DEUP1: variants seen among roughly 807,000 people sequenced by gnomAD.
DEUP1 encodes the protein coiled-coil domain containing 67.
In DEUP1, 82 loss-of-function variants were observed where a neutral mutation model predicts 87.4. The ratio of observed to expected loss-of-function variants is 0.94; its 90% CI spans 0.78 to 1.13. DEUP1 has a LOEUF of 1.13. DEUP1 is among the 50% of genes most tolerant of loss of function. DEUP1 has a pLI of 0.00. For missense variants in DEUP1, 663 were observed against 681.5 expected (o/e 0.97, Z 0.30); for synonymous variants, 214 against 222.7 (o/e 0.96, Z 0.35).
intron 13 of DEUP1, among the ~76,000 whole-genome samples, chr11:93,418,681 G>T (rs969542568): frequency 1.3e-5 from 2 of 151,946 alleles, no homozygotes; most frequent in African/African-American, 4.8e-5. Context: ...CCCATTCCTG[G>T]GTATATACCC....
At chr11:93,409,225 T>A (rs777059899) in intron 12 of DEUP1, among the ~76,000 whole-genome samples, 6 of 152,192 alleles carry the variant, frequency 3.9e-5, no homozygotes, top group Non-Finnish European at 8.8e-5. Flanking sequence ...AGAGAAGGAA[T>A]CTATGGATGT....
chr11:93,394,452 G>A lies in DEUP1; in HGVS notation c.1042-7G>A. 1 of 1,543,504 alleles carries A rather than the reference G, an allele frequency of 6.5e-7. No homozygotes were observed. Among genetic ancestry groups the A allele is most frequent in the Non-Finnish European group, 8.7e-7 (1 of 1,149,870 alleles). On this transcript the variant is annotated splice_polypyrimidine_tract_variant and splice_region_variant and intron_variant, in intron 9 of 13. Coordinates refer to ENST00000298050, the MANE Select transcript of DEUP1 (RefSeq NM_181645.4). ...TCAATAATATTTCCAGTCTCTATCTGCTGCAGATAAGAAGCCAACTCCAAC... is the reference window on the plus strand; with the variant it reads ...TCAATAATATTTCCAGTCTCTATCTACTGCAGATAAGAAGCCAACTCCAAC...
intron 2 of DEUP1, among the ~76,000 whole-genome samples, chr11:93,338,646 C>G (rs1943903034): frequency 6.6e-6 from 1 of 151,988 alleles, no homozygotes. Context: ...CTCAAGCAAT[C>G]CTCCCACTTT....
intron 12 of DEUP1, among the ~76,000 whole-genome samples, chr11:93,414,189 T>C (rs997875880): frequency 3.3e-5 from 5 of 152,164 alleles, no homozygotes; most frequent in African/African-American, 1.2e-4. Context: ...TGTTTTAAAT[T>C]ATCAAAATCT....
At chr11:93,392,948 CCCTCCTCTTCCT>C (rs1290383120) in intron 9 of DEUP1, among the ~76,000 whole-genome samples, 42 of 147,006 alleles carry the variant, frequency 2.9e-4, no homozygotes, top group African/African-American at 8.9e-4. Flanking sequence ...TCCTCCTCCT[CCCTCCTCTTCCT>C]CCTCCTCTTC....
intron 9 of DEUP1, among the ~76,000 whole-genome samples, chr11:93,390,893 C>G (rs529921276): frequency 6.6e-6 from 1 of 152,058 alleles, no homozygotes; most frequent in Admixed American, 6.6e-5. Flanking sequence ...ACCAGCCTGA[C>G]CAACATGGTG....
chr11:93,373,428 G>A (rs1236646681), intron 7 of DEUP1, among the ~76,000 whole-genome samples: 1 of 151,770 alleles, frequency 6.6e-6, no homozygotes, highest in Non-Finnish European at 1.5e-5. Context: ...CTACTTATGA[G>A]TGAGAACGTA....
chr11:93,431,588 T>A (rs1012091483), intron 13 of DEUP1, among the ~76,000 whole-genome samples: 6 of 152,196 alleles, frequency 3.9e-5, no homozygotes, highest in African/African-American at 1.2e-4. Context: ...AACAGATATG[T>A]TTAAAATTTT....
At chr11:93,416,067 C>T (rs80282218) in intron 13 of DEUP1, among the ~76,000 whole-genome samples, 1,613 of 152,164 alleles carry the variant, frequency 0.011, 20 homozygotes, top group South Asian at 0.084. Flanking sequence ...TAGTAGGTAC[C>T]GCCAAACTAT....
intron 2 of DEUP1, chr11:93,352,658 C>A: frequency 1.8e-6 from 1 of 543,664 alleles, no homozygotes; most frequent in South Asian, 2.3e-5. Flanking sequence ...ACTTACAGTT[C>A]TACATAGCTG....
chr11:93,407,710 C>G (rs1947318911), intron 11 of DEUP1, among the ~76,000 whole-genome samples: 5 of 151,770 alleles, frequency 3.3e-5, no homozygotes, highest in Admixed American at 3.3e-4. Context: ...CCATCTTAAT[C>G]AGAAGAAAAT....
chr11:93,413,930 T>C (rs1028107329), intron 12 of DEUP1, among the ~76,000 whole-genome samples: 5 of 152,230 alleles, frequency 3.3e-5, no homozygotes, highest in African/African-American at 1.2e-4. Context: ...CATCTGTGGA[T>C]AGTATCCAGC....
chr11:93,388,270 A>G (rs140382517), intron 8 of DEUP1, among the ~76,000 whole-genome samples: 7 of 152,208 alleles, frequency 4.6e-5, no homozygotes, highest in African/African-American at 1.7e-4. Flanking sequence ...TCACAAGTGG[A>G]TATGTTCCTC....
chr11:93,366,263 A>G (rs1945411162), intron 5 of DEUP1, among the ~76,000 whole-genome samples: 1 of 152,212 alleles, frequency 6.6e-6, no homozygotes, highest in East Asian at 1.9e-4. Context: ...CTCTGTGTGT[A>G]TGAAAATCTT....
At chr11:93,371,423 C>A in intron 7 of DEUP1, 143 bp downstream of exon 7, 1 of 921,796 alleles carries the variant, frequency 1.1e-6, no homozygotes, top group Non-Finnish European at 1.6e-6. Context: ...TAGTAATTCG[C>A]ACTTGATGCG....
In DEUP1 at chr11:93,408,302, G is replaced by C. The variant is rs375704117; in HGVS notation, c.1398G>C (p.Arg466Ser). 6.3e-6 allele frequency: 10 copies of C among 1,580,922 alleles called. No homozygotes were observed. The highest frequency in any genetic ancestry group is 2.7e-5 in the African/African-American group (2 of 74,234). ...SINKLQYENE[R>S]LRNDLAKLHV... ...ATAAACTGCAATATGAGAATGAAAG[G>C]CTCCGAAATGATCTTGCAAAACTTC... The change falls in exon 12 of 14, where the codon AGG becomes AGC. Residue 466 changes from arginine to serine, a missense_variant. By Grantham distance (110) the Arg-to-Ser change is moderately radical. Coordinates refer to ENST00000298050, the MANE Select transcript of DEUP1 (RefSeq NM_181645.4).
intron 11 of DEUP1, among the ~76,000 whole-genome samples, chr11:93,400,538 T>C (rs1426121877): frequency 6.6e-6 from 1 of 152,174 alleles, no homozygotes; most frequent in Non-Finnish European, 1.5e-5. Flanking sequence ...CCCACCCTAG[T>C]GACCTCATTT....
At chr11:93,389,477 C>T (rs1208459515) in intron 9 of DEUP1, among the ~76,000 whole-genome samples, 1 of 152,148 alleles carries the variant, frequency 6.6e-6, no homozygotes, top group Non-Finnish European at 1.5e-5. Context: ...TGAGGAGCCT[C>T]ATTTCTAAGG....
chr11:93,378,671 T>C (rs1946152031), intron 7 of DEUP1, among the ~76,000 whole-genome samples: 1 of 150,846 alleles, frequency 6.6e-6, no homozygotes, highest in South Asian at 2.1e-4. Context: ...ATTACCAGAA[T>C]TGTTTTTCTG....
Sources: allele counts gnomAD v4.1 joint callset (sites outside exome capture counted in the v4.1 genomes callset), GRCh38; gene constraint gnomAD v4.1.1; transcripts MANE v1.5; gene names NCBI Gene and HGNC (gene_info 2026-07-23, HGNC 2026-07-21).